GPR107: variants seen among roughly 807,000 people sequenced by gnomAD.
The protein encoded by GPR107 is G protein-coupled receptor 107.
Under a neutral mutation model 75.5 loss-of-function variants are expected in GPR107, and 31 were observed. The observed-to-expected ratio is 0.41, with a 90% CI of 0.31 to 0.55. The LOEUF is 0.55. Among genes scored for constraint, GPR107 ranks in the 20% least tolerant of loss-of-function variants. The probability of loss-of-function intolerance (pLI) is 0.26; values close to 1 mark genes in which losing one functional copy is unlikely to be tolerated. For synonymous variants in GPR107, 267 were observed against 251.3 expected, an observed-to-expected ratio of 1.06 and a Z score of -0.59; for missense variants, 572 against 665.7, an observed-to-expected ratio of 0.86 and a Z score of 1.55.
intron 9 of GPR107, among the ~76,000 whole-genome samples, chr9:130,098,936 C>T (rs1589510959): frequency 6.6e-6 from 1 of 151,994 alleles, no homozygotes; most frequent in East Asian, 1.9e-4. Context: ...TCACTTGATC[C>T]CGGGAGGTGG....
chr9:130,092,148 T>G, intron 8 of GPR107, 100 bp from the exon 9 acceptor site: 1 of 1,017,796 alleles, frequency 9.8e-7, no homozygotes, highest in Non-Finnish European at 1.5e-6. Flanking sequence ...CCACTGGTAC[T>G]TACTTTCTTA....
At chr9:130,111,094 C>T (rs28670517) in intron 14 of GPR107, among the ~76,000 whole-genome samples, 47,906 of 151,826 alleles carry the variant, frequency 0.32, 7,750 homozygotes, top group Non-Finnish European at 0.38. Flanking sequence ...CTCAAGCCAT[C>T]GTCCTGCCTC....
At chr9:130,054,697 A>C (rs964084681) in intron 1 of GPR107, among the ~76,000 whole-genome samples, 3 of 152,206 alleles carry the variant, frequency 2.0e-5, no homozygotes, top group African/African-American at 7.2e-5. Context: ...ATAAACCTAG[A>C]ATGATACTCT....
chr9:130,062,420 G>GATA (rs10578697), intron 1 of GPR107, among the ~76,000 whole-genome samples: 14,831 of 139,712 alleles, frequency 0.11, 817 homozygotes, highest in African/African-American at 0.12. Flanking sequence ...TCTCGAAAAT[G>GATA]ATAATAATAA....
intron 4 of GPR107, 57 bp from the exon 5 acceptor site, chr9:130,079,573 C>T: frequency 1.3e-6 from 2 of 1,513,022 alleles, no homozygotes; most frequent in Non-Finnish European, 1.8e-6. Context: ...ACGCAGCGTG[C>T]TCAGTGGCCA....
At chr9:130,126,669 C>G (rs1424966925) in intron 15 of GPR107, among the ~76,000 whole-genome samples, 2 of 152,296 alleles carry the variant, frequency 1.3e-5, no homozygotes, top group East Asian at 3.9e-4. Flanking sequence ...AGTCTTTCAT[C>G]TGTTCGTTTG....
intron 1 of GPR107, among the ~76,000 whole-genome samples, chr9:130,069,984 C>CTTTTTTTTTTTTTTTTTT (rs1045979986): frequency 1.1e-4 from 5 of 45,380 alleles, no homozygotes; most frequent in South Asian, 1.1e-3. Flanking sequence ...TGCCTGGCCT[C>CTTTTTTTTTTTTTTTTTT]TTTTTTTTTT....
At chr9:130,063,830 G>A (rs7032251) in intron 1 of GPR107, among the ~76,000 whole-genome samples, 83,211 of 142,988 alleles carry the variant, frequency 0.58, 24,289 homozygotes, top group East Asian at 0.8. Flanking sequence ...TTTTTTTGAG[G>A]GTCATACTCT....
intron 9 of GPR107, among the ~76,000 whole-genome samples, chr9:130,093,608 A>T (rs1355174134): frequency 6.6e-6 from 1 of 152,140 alleles, no homozygotes; most frequent in Non-Finnish European, 1.5e-5. Flanking sequence ...CACCCACCAG[A>T]TAGAAAGAGT....
At chr9:130,117,896 T>A (rs1392518866) in intron 14 of GPR107, among the ~76,000 whole-genome samples, 3 of 152,198 alleles carry the variant, frequency 2.0e-5, no homozygotes, top group Non-Finnish European at 1.5e-5. Context: ...TGTAAACTCC[T>A]TAGAAAGGAT....
chr9:130,116,044 C>T (rs1282581301), intron 14 of GPR107, among the ~76,000 whole-genome samples: 1 of 152,238 alleles, frequency 6.6e-6, no homozygotes, highest in Non-Finnish European at 1.5e-5. Flanking sequence ...TTCTGATGAA[C>T]ATTATGAAAT....
intron 1 of GPR107, among the ~76,000 whole-genome samples, chr9:130,072,373 C>G (rs1240326583): frequency 1.3e-5 from 2 of 152,142 alleles, no homozygotes; most frequent in African/African-American, 4.8e-5. Context: ...GCGCGTGCCA[C>G]CTCGCCCAGC....
intron 4 of GPR107, among the ~76,000 whole-genome samples, chr9:130,078,058 G>C (rs905618046): frequency 2.0e-5 from 3 of 152,066 alleles, no homozygotes; most frequent in Admixed American, 6.6e-5. Flanking sequence ...CCAGCTATTC[G>C]GGAGGCTGAG....
At chr9:130,108,890 G>A (rs1831227229) in intron 14 of GPR107, 1 of 408,322 alleles carries the variant, frequency 2.4e-6, no homozygotes, top group East Asian at 7.9e-5. Context: ...CTTCTAGCCG[G>A]GCTACATAGC....
intron 1 of GPR107, among the ~76,000 whole-genome samples, chr9:130,064,153 A>G (rs1331310418): frequency 1.3e-5 from 2 of 149,758 alleles, no homozygotes; most frequent in Admixed American, 1.3e-4. Context: ...GTAGGTGTCA[A>G]GAAATTGTAT....
chr9:130,127,392 G>C (rs750117428), intron 15 of GPR107, 91 bp from the exon 16 acceptor site: 1 of 736,472 alleles, frequency 1.4e-6, no homozygotes, highest in Non-Finnish European at 2.5e-6. Context: ...TCTGTTTTCT[G>C]TTTCCTAGTT....
chr9:130,081,122 G>T (rs1285745446), intron 5 of GPR107, among the ~76,000 whole-genome samples: 1 of 152,152 alleles, frequency 6.6e-6, no homozygotes, highest in African/African-American at 2.4e-5. Flanking sequence ...ACTGAGGCAG[G>T]AGGATTGCTT....
intron 1 of GPR107, among the ~76,000 whole-genome samples, chr9:130,070,865 T>C (rs183123064): frequency 1.8e-4 from 27 of 151,630 alleles, no homozygotes; most frequent in African/African-American, 6.5e-4. Flanking sequence ...TACAGTTGCA[T>C]GCCACCACGC....
chr9:130,119,571 A>G (rs1831501482), intron 14 of GPR107, among the ~76,000 whole-genome samples: 1 of 152,268 alleles, frequency 6.6e-6, no homozygotes, highest in African/African-American at 2.4e-5. Flanking sequence ...ACAGCCAGTG[A>G]GCAGCAGAGT....
Sources: gnomAD v4.1 joint callset for allele counts (sites outside exome capture counted in the v4.1 genomes callset) on GRCh38, gnomAD v4.1.1 for gene constraint, MANE v1.5 for transcripts, NCBI Gene and HGNC (gene_info 2026-07-23, HGNC 2026-07-21) for gene names.